Variants in LPP observed in about 807,000 individuals in gnomAD.
The protein encoded by LPP is lipoma-preferred partner.
Under a neutral mutation model 60.4 loss-of-function variants are expected in LPP, and 38 were observed. The observed-to-expected ratio is 0.63, with a 90% CI of 0.49 to 0.83. LPP has a LOEUF of 0.83. Ranked by LOEUF, LPP falls within the 40% of genes least tolerant of loss-of-function variation. The pLI is 0.00. For missense variants in LPP, 902 were observed against 783.6 expected, an observed-to-expected ratio of 1.15 and a Z score of -1.80; for synonymous variants, 328 against 290.8, an observed-to-expected ratio of 1.13 and a Z score of -1.30.
Position 188,687,084 on chromosome 3 carries a change from T to C in LPP, c.1114-21183T>C, listed in dbSNP as rs143988101. On this transcript the variant is annotated intron_variant, in intron 7 of 11. Coordinates refer to ENST00000617246, the MANE Select transcript of LPP (RefSeq NM_001375462.1). ...CAGCTTTGCTGTGCTTGTGTATGAG[T>C]CTTTAAATGAATATATCTGGTTATA... 2.8e-4 allele frequency among the ~76,000 whole-genome samples: 43 copies of C among 152,320 alleles called. 1 individual carries two copies. Among genetic ancestry groups the C allele is most frequent in the African/African-American group, 9.1e-4 (38 of 41,566 alleles).
chr3:188,352,667 G>A lies in LPP; in HGVS notation c.-10+10948G>A, dbSNP rs1766244875. ...GCATAGAGAGAAGGCTGGGAGAGGAGGTCAGGTCTTGTTTCCCTGCTTGTT... is the reference window on the plus strand; with the variant it reads ...GCATAGAGAGAAGGCTGGGAGAGGAAGTCAGGTCTTGTTTCCCTGCTTGTT... On this transcript the variant is annotated intron_variant, in intron 3 of 11. Transcript: ENST00000617246. This position sits in a 1 kb window ranked among gnomAD's most constrained non-coding sequence, Gnocchi z 4.4. 6.6e-6 allele frequency among the ~76,000 whole-genome samples: 1 copy of A among 150,416 alleles called. No individual in the cohort carries two copies. Among genetic ancestry groups the A allele is most frequent in the African/African-American group, 2.5e-5 (1 of 40,688 alleles).
intron 4 of LPP, among the ~76,000 whole-genome samples, chr3:188,434,029 C>T (rs989304546): frequency 6.6e-6 from 1 of 152,014 alleles, no homozygotes; most frequent in Non-Finnish European, 1.5e-5. Flanking sequence ...TTTCCAGTTG[C>T]GATCTGGATT....
chr3:188,726,686 T>A (rs542345554), intron 8 of LPP, among the ~76,000 whole-genome samples: 4 of 152,256 alleles, frequency 2.6e-5, no homozygotes, highest in African/African-American at 9.6e-5. Flanking sequence ...ATGGGTGAAA[T>A]CTGGTCTGCC....
At chr3:188,277,956 A>G (rs553920174) in intron 2 of LPP, among the ~76,000 whole-genome samples, 7 of 152,306 alleles carry the variant, frequency 4.6e-5, no homozygotes, top group African/African-American at 1.7e-4. Context: ...TGGAGGAAAA[A>G]TCATTTATTC....
At chr3:188,288,849 C>A (rs1745014054) in intron 2 of LPP, among the ~76,000 whole-genome samples, 1 of 137,592 alleles carries the variant, frequency 7.3e-6, no homozygotes, top group Non-Finnish European at 1.6e-5. Flanking sequence ...GCCCCTCTAG[C>A]TAGCAACTGT....
At chr3:188,337,471 C>T (rs1761972140) in intron 2 of LPP, among the ~76,000 whole-genome samples, 1 of 152,112 alleles carries the variant, frequency 6.6e-6, no homozygotes, top group Non-Finnish European at 1.5e-5. Flanking sequence ...TACCATTCTA[C>T]CCTAGAGAGA....
chr3:188,518,032 A>T (rs753114746), intron 5 of LPP, among the ~76,000 whole-genome samples: 7 of 152,160 alleles, frequency 4.6e-5, no homozygotes, highest in Non-Finnish European at 7.3e-5. Flanking sequence ...TTCCTCCATG[A>T]GTAAACGCTT....
chr3:188,649,495 A>C (rs1851688612), intron 7 of LPP, among the ~76,000 whole-genome samples: 1 of 152,186 alleles, frequency 6.6e-6, no homozygotes, highest in African/African-American at 2.4e-5. Flanking sequence ...TAGAACTCAG[A>C]GCTCCTGCAG....
chr3:188,565,648 G>T (rs1004913014), intron 6 of LPP, among the ~76,000 whole-genome samples: 1 of 151,790 alleles, frequency 6.6e-6, no homozygotes, highest in Non-Finnish European at 1.5e-5. Context: ...ACTGAACGGG[G>T]TTTTTGTTTT....
chr3:188,859,198 A>C (rs1177574571), intron 9 of LPP, among the ~76,000 whole-genome samples: 2 of 151,998 alleles, frequency 1.3e-5, no homozygotes, highest in African/African-American at 4.8e-5. Context: ...CTTCCTGTGA[A>C]ATGAATTTGT....
intron 6 of LPP, among the ~76,000 whole-genome samples, chr3:188,529,235 A>G (rs1821491822): frequency 6.6e-6 from 1 of 152,248 alleles, no homozygotes. Flanking sequence ...GATGATGTCT[A>G]TAGTAGACGG....
intron 8 of LPP, chr3:188,743,584 A>G (rs539097652): frequency 6.6e-6 from 1 of 152,210 alleles, no homozygotes; most frequent in East Asian, 1.9e-4. Flanking sequence ...TTAAGTCTCA[A>G]CAGTATTCCT....
At chr3:188,836,416 A>G (rs918044756) in intron 9 of LPP, among the ~76,000 whole-genome samples, 2 of 152,208 alleles carry the variant, frequency 1.3e-5, no homozygotes, top group Non-Finnish European at 2.9e-5. Flanking sequence ...TTGGCATTCC[A>G]TGACGTTTCA....
At chr3:188,451,007 T>A (rs1393197703) in intron 4 of LPP, among the ~76,000 whole-genome samples, 1 of 152,106 alleles carries the variant, frequency 6.6e-6, no homozygotes, top group Non-Finnish European at 1.5e-5. Flanking sequence ...TTGATCATAG[T>A]GCATTTTAAT....
chr3:188,643,211 G>T (rs1850498658), intron 7 of LPP, among the ~76,000 whole-genome samples: 1 of 152,208 alleles, frequency 6.6e-6, no homozygotes, highest in Non-Finnish European at 1.5e-5. Context: ...AGAGATGAAA[G>T]TTGTACCCAG....
intron 6 of LPP, among the ~76,000 whole-genome samples, chr3:188,570,789 G>C (rs1412980247): frequency 6.6e-6 from 1 of 151,806 alleles, no homozygotes; most frequent in Non-Finnish European, 1.5e-5. Flanking sequence ...AGACGACATT[G>C]TATGGTGGGT....
intron 7 of LPP, among the ~76,000 whole-genome samples, chr3:188,642,890 C>T (rs982163418): frequency 6.5e-4 from 99 of 151,776 alleles, no homozygotes; most frequent in African/African-American, 2.3e-3. Context: ...AAGCTGAGAT[C>T]GCACCATTGC....
At chr3:188,365,186 C>T (rs1241893327) in intron 3 of LPP, among the ~76,000 whole-genome samples, 1 of 150,338 alleles carries the variant, frequency 6.7e-6, no homozygotes, top group African/African-American at 2.5e-5. Context: ...TTCCTAGAAG[C>T]TAATATTAAA....
intron 4 of LPP, among the ~76,000 whole-genome samples, chr3:188,453,417 C>T (rs1028224386): frequency 3.9e-5 from 6 of 152,062 alleles, no homozygotes; most frequent in East Asian, 1.9e-4. Context: ...TGATACCGAC[C>T]GGATCCTATC....
Sources: gnomAD v4.1 joint callset for allele counts (sites outside exome capture counted in the v4.1 genomes callset) on GRCh38, gnomAD v4.1.1 for gene constraint, Gnocchi (gnomAD v3.1) non-coding constraint, MANE v1.5 for transcripts, NCBI Gene and HGNC (gene_info 2026-07-23, HGNC 2026-07-21) for gene names.